CRPPA: variants seen among roughly 807,000 people sequenced by gnomAD.
The protein encoded by CRPPA is D-ribitol-5-phosphate cytidylyltransferase.
A neutral mutation model predicts 52.0 loss-of-function variants in CRPPA; 43 were observed. The ratio of observed to expected loss-of-function variants is 0.83; its 90% CI spans 0.65 to 1.07. The LOEUF is 1.07. Among genes scored for constraint, CRPPA ranks in the 50% least tolerant of loss-of-function variants. The pLI is 0.00. For missense variants in CRPPA, 629 were observed against 551.7 expected, an observed-to-expected ratio of 1.14 and a Z score of -1.40; for synonymous variants, 250 against 203.5, an observed-to-expected ratio of 1.23 and a Z score of -1.94.
intron 8 of CRPPA, among the ~76,000 whole-genome samples, chr7:16,249,142 T>A (rs1189331019): frequency 1.3e-5 from 2 of 152,142 alleles, no homozygotes; most frequent in East Asian, 3.9e-4. Context: ...CAGAGCTCAG[T>A]GAGGCTGACC....
At chr7:16,366,094 C>A (rs541032855) in intron 3 of CRPPA, among the ~76,000 whole-genome samples, 17 of 152,198 alleles carry the variant, frequency 1.1e-4, no homozygotes, top group Admixed American at 2.0e-4. Context: ...TGATGAGGAC[C>A]CATTCCTGAT....
At chr7:16,363,278 G>A (rs202100934) in intron 3 of CRPPA, among the ~76,000 whole-genome samples, 2 of 152,114 alleles carry the variant, frequency 1.3e-5, no homozygotes, top group East Asian at 3.8e-4. Flanking sequence ...TTATAAGTTT[G>A]ACACAGTTTT....
intron 3 of CRPPA, among the ~76,000 whole-genome samples, chr7:16,372,407 C>A (rs1349033310): frequency 6.6e-6 from 1 of 152,146 alleles, no homozygotes; most frequent in Non-Finnish European, 1.5e-5. Context: ...CCTCCTGAAA[C>A]AAATAATTGT....
intron 1 of CRPPA, among the ~76,000 whole-genome samples, chr7:16,417,641 G>A (rs1788227067): frequency 6.6e-6 from 1 of 152,114 alleles, no homozygotes; most frequent in African/African-American, 2.4e-5. Context: ...ACTAGAGGGA[G>A]GAGGGAGGGG....
intron 9 of CRPPA, among the ~76,000 whole-genome samples, chr7:16,211,612 A>G (rs1782143099): frequency 6.6e-6 from 1 of 152,188 alleles, no homozygotes; most frequent in Admixed American, 6.5e-5. Context: ...CCGACAGCAT[A>G]CACCCATTTG....
In CRPPA at chr7:16,289,602, T is replaced by C. The variant is rs188236922; in HGVS notation, c.836-11376A>G. Among the ~76,000 whole-genome samples the C allele has an allele frequency of 1.2e-4, 19 of 152,204 alleles. No homozygotes were observed. The East Asian group carries it at 3.3e-3, about 26-fold the overall frequency. ...AACCATATGATCCTCTTAATAGACA[T>C]AGAAAAAGCATTTGATAAAATTCAG... On this transcript the variant is annotated intron_variant, in intron 5 of 9. Transcript: ENST00000407010.
intron 9 of CRPPA, among the ~76,000 whole-genome samples, chr7:16,107,162 A>C (rs1214413214): frequency 6.6e-6 from 1 of 152,110 alleles, no homozygotes; most frequent in Non-Finnish European, 1.5e-5. Flanking sequence ...GGGGAACTGC[A>C]GACGGAATAG....
At position 16,208,945 on chromosome 7, in the gene CRPPA, G is replaced by A. The variant is rs61172485; in HGVS notation, c.1251+7121C>T. 10,975 of 383,230 alleles carry A rather than the reference G, an allele frequency of 0.029. 918 individuals carry two copies. The East Asian group carries it at 0.32, about 11-fold the overall frequency. 23.7% of individuals were successfully genotyped at this position (383,230 alleles called of 1,614,324 possible). A position where few individuals can be genotyped will look rare whatever the true frequency, so the allele number is the denominator to read the frequency against. On this transcript the variant is annotated intron_variant, in intron 9 of 9. Coordinates refer to ENST00000407010, the MANE Select transcript of CRPPA (RefSeq NM_001101426.4). Reference sequence around the variant, plus strand: ...CCATGCCAATAGCATTCCCACAAACGTGGTGAACATTCCTAAAATCCACCA... The same window carrying A: ...CCATGCCAATAGCATTCCCACAAACATGGTGAACATTCCTAAAATCCACCA...
At chr7:16,370,563 G>A (rs1786722321) in intron 3 of CRPPA, among the ~76,000 whole-genome samples, 1 of 152,148 alleles carries the variant, frequency 6.6e-6, no homozygotes, top group Non-Finnish European at 1.5e-5. Context: ...CTAGGGAAAG[G>A]GAGAGGGCAC....
rs73681738 is a variant in CRPPA, at chr7:16,135,098, T to C, written c.1252-43299A>G. 3.1e-3 allele frequency among the ~76,000 whole-genome samples: 479 copies of C among 152,226 alleles called. 3 individuals carry two copies. The highest frequency in any genetic ancestry group is 0.011 in the African/African-American group (458 of 41,528). On this transcript the variant is annotated intron_variant, in intron 9 of 9. Transcript: ENST00000407010. Reference sequence around the variant, plus strand: ...ATTCCAGTATTCCTGGAGGAAGCAATGGGGAAGGATGAATGATATTCTAAC... The same window carrying C: ...ATTCCAGTATTCCTGGAGGAAGCAACGGGGAAGGATGAATGATATTCTAAC...
intron 4 of CRPPA, among the ~76,000 whole-genome samples, chr7:16,305,725 G>T (rs1022648162): frequency 6.6e-6 from 1 of 152,084 alleles, no homozygotes; most frequent in Admixed American, 6.5e-5. Flanking sequence ...AATTAGCTGA[G>T]TGTGGTGGCA....
intron 9 of CRPPA, among the ~76,000 whole-genome samples, chr7:16,112,026 A>G (rs1486340199): frequency 6.6e-6 from 1 of 152,128 alleles, no homozygotes; most frequent in Non-Finnish European, 1.5e-5. Context: ...CCATAAACTT[A>G]TATAATTAAA....
chr7:16,238,561 T>G (rs1783012129), intron 8 of CRPPA, among the ~76,000 whole-genome samples: 5 of 151,934 alleles, frequency 3.3e-5, no homozygotes, highest in Admixed American at 3.3e-4. Flanking sequence ...AATGGAAAAT[T>G]TAGACTTAAT....
chr7:16,323,560 G>A (rs1464178182), intron 3 of CRPPA, among the ~76,000 whole-genome samples: 2 of 152,274 alleles, frequency 1.3e-5, no homozygotes, highest in African/African-American at 2.4e-5. Flanking sequence ...TGCCAAGTCC[G>A]TTTATTGCCA....
chr7:16,310,438 A>G lies in CRPPA; in HGVS notation c.685-1811T>C, dbSNP rs10232864. Among the ~76,000 whole-genome samples the G allele has an allele frequency of 9.1e-3, 1,379 of 152,282 alleles. 24 individuals are homozygous for G. Among genetic ancestry groups the G allele is most frequent in the African/African-American group, 0.032 (1,345 of 41,566 alleles). On this transcript the variant is annotated intron_variant, in intron 3 of 9. Coordinates refer to ENST00000407010, the MANE Select transcript of CRPPA (RefSeq NM_001101426.4). The stretch of plus-strand genomic sequence containing the variant: ...AACATGAGCAGAAAACCCATATTTA[A>G]CTGTCACCCAAGGAAAGATTGTAAT...
At chr7:16,247,628 G>C (rs1783314701) in intron 8 of CRPPA, among the ~76,000 whole-genome samples, 2 of 152,156 alleles carry the variant, frequency 1.3e-5, no homozygotes, top group Non-Finnish European at 2.9e-5. Flanking sequence ...GAGACAGGAA[G>C]TGAGCACACA....
intron 4 of CRPPA, among the ~76,000 whole-genome samples, chr7:16,307,539 G>A (rs1031678884): frequency 2.1e-4 from 32 of 151,718 alleles, no homozygotes; most frequent in South Asian, 6.3e-4. Flanking sequence ...AAAATTAGCC[G>A]GGTGGTGGTA....
intron 3 of CRPPA, among the ~76,000 whole-genome samples, chr7:16,315,606 T>C (rs2128426213): frequency 6.6e-6 from 1 of 152,246 alleles, no homozygotes; most frequent in East Asian, 1.9e-4. Context: ...AAGAGCAGAA[T>C]GCTCTAGCAT....
chr7:16,133,157 A>T (rs1782708262), intron 9 of CRPPA, among the ~76,000 whole-genome samples: 1 of 122,182 alleles, frequency 8.2e-6, no homozygotes, highest in Admixed American at 8.4e-5. Flanking sequence ...TCTACTAAAA[A>T]TAAAAAAAAG....
Sources: gnomAD v4.1 joint callset for allele counts (sites outside exome capture counted in the v4.1 genomes callset) on GRCh38, gnomAD v4.1.1 for gene constraint, MANE v1.5 for transcripts, NCBI Gene and HGNC (gene_info 2026-07-23, HGNC 2026-07-21) for gene names.